AUTS2: variants seen among roughly 807,000 people sequenced by gnomAD.
AUTS2 encodes autism susceptibility gene 2 protein.
In AUTS2, 17 loss-of-function variants were observed where a neutral mutation model predicts 112.4. That is an observed-to-expected ratio of 0.15 (90% CI 0.10 to 0.23). The LOEUF is 0.23. AUTS2 is among the 10% of genes least tolerant of loss of function. AUTS2 has a pLI of 1.00. For synonymous variants in AUTS2, 751 were observed against 702.7 expected (o/e 1.07, Z -1.09); for missense variants, 1,510 against 1,701.6 (o/e 0.89, Z 1.98).
intron 4 of AUTS2, among the ~76,000 whole-genome samples, chr7:70,269,934 G>C (rs920434565): frequency 6.6e-6 from 1 of 152,118 alleles, no homozygotes; most frequent in African/African-American, 2.4e-5. Flanking sequence ...AGTGCTTTGG[G>C]AGGCCAAAGT....
chr7:69,647,747 A>G (rs752354376), intron 1 of AUTS2, among the ~76,000 whole-genome samples: 19 of 152,214 alleles, frequency 1.2e-4, no homozygotes, highest in Non-Finnish European at 2.1e-4. Flanking sequence ...AACAACAGAA[A>G]TAGTCTCATA....
chr7:70,529,413 G>A (rs1352507331), intron 5 of AUTS2, among the ~76,000 whole-genome samples: 3 of 152,282 alleles, frequency 2.0e-5, no homozygotes, highest in Middle Eastern at 3.4e-3. Context: ...TTGGAGAGCC[G>A]ACCAGACCTG....
At chr7:69,900,465 A>C (rs1412612726) in intron 2 of AUTS2, among the ~76,000 whole-genome samples, 1 of 152,248 alleles carries the variant, frequency 6.6e-6, no homozygotes, top group African/African-American at 2.4e-5. Context: ...TTCCCAAACC[A>C]CACAGATCTT....
chr7:69,866,808 AT>A (rs1272349165), intron 1 of AUTS2, among the ~76,000 whole-genome samples: 1 of 152,050 alleles, frequency 6.6e-6, no homozygotes, highest in Non-Finnish European at 1.5e-5. Context: ...CTTCCCGGGG[AT>A]TTTCTAGCAT....
intron 6 of AUTS2, among the ~76,000 whole-genome samples, chr7:70,729,696 A>C (rs1787252927): frequency 6.6e-6 from 1 of 152,206 alleles, no homozygotes; most frequent in Non-Finnish European, 1.5e-5. Flanking sequence ...AAACCTGAAG[A>C]CTTCAGAAAT....
At chr7:69,690,491 G>A (rs6976556) in intron 1 of AUTS2, among the ~76,000 whole-genome samples, 3,033 of 152,280 alleles carry the variant, frequency 0.02, 104 homozygotes, top group African/African-American at 0.066. Context: ...GTGAGCAGGC[G>A]CAGAGCGGCA....
chr7:70,043,097 C>A (rs1017032792), intron 2 of AUTS2, among the ~76,000 whole-genome samples: 5 of 151,344 alleles, frequency 3.3e-5, no homozygotes, highest in Non-Finnish European at 7.4e-5. Flanking sequence ...AATTAACTTG[C>A]AAAAATAAAA....
At chr7:70,733,549 C>T (rs1365042301) in intron 6 of AUTS2, among the ~76,000 whole-genome samples, 2 of 148,084 alleles carry the variant, frequency 1.4e-5, no homozygotes, top group Admixed American at 6.7e-5. Context: ...CCCCTACCCC[C>T]ACATCTAGAT....
chr7:70,303,439 TACACACACACACAC>T (rs371608891), intron 4 of AUTS2, among the ~76,000 whole-genome samples: 28 of 143,184 alleles, frequency 2.0e-4, no homozygotes, highest in Non-Finnish European at 4.0e-4. Flanking sequence ...CGCGCGCACA[TACACACACACACAC>T]ACACACACAC....
At chr7:70,280,497 C>T (rs1255288786) in intron 4 of AUTS2, among the ~76,000 whole-genome samples, 2 of 149,328 alleles carry the variant, frequency 1.3e-5, no homozygotes, top group Admixed American at 6.7e-5. Flanking sequence ...AGGGTTTCAC[C>T]ATGTTGGTCA....
chr7:69,674,221 A>G (rs1796458783), intron 1 of AUTS2, among the ~76,000 whole-genome samples: 1 of 152,248 alleles, frequency 6.6e-6, no homozygotes, highest in Non-Finnish European at 1.5e-5. Context: ...GTAACAGACA[A>G]AAAAGCAATT....
chr7:70,243,210 T>TAGCTGCCC, intron 4 of AUTS2, among the ~76,000 whole-genome samples: 1 of 149,172 alleles, frequency 6.7e-6, no homozygotes, highest in South Asian at 2.1e-4. Context: ...CTTTAAAAAA[T>TAGCTGCCC]AGAGAGGAAA....
At chr7:70,612,986 C>A (rs994658498) in intron 5 of AUTS2, among the ~76,000 whole-genome samples, 1 of 151,934 alleles carries the variant, frequency 6.6e-6, no homozygotes, top group Non-Finnish European at 1.5e-5. Context: ...AGGGAGACAG[C>A]GCGGTGGTAC....
chr7:69,880,606 A>T (rs1159199574), intron 1 of AUTS2, among the ~76,000 whole-genome samples: 5 of 152,200 alleles, frequency 3.3e-5, no homozygotes, highest in Non-Finnish European at 7.3e-5. Flanking sequence ...TTTCCTTGCA[A>T]ATATAATGGC....
intron 2 of AUTS2, among the ~76,000 whole-genome samples, chr7:69,962,537 T>A (rs1797472957): frequency 6.6e-6 from 1 of 152,194 alleles, no homozygotes; most frequent in Non-Finnish European, 1.5e-5. Flanking sequence ...AGCTCTATCT[T>A]TGTACTTTGC....
At chr7:69,704,431 C>T (rs1797963625) in intron 1 of AUTS2, among the ~76,000 whole-genome samples, 1 of 152,102 alleles carries the variant, frequency 6.6e-6, no homozygotes, top group South Asian at 2.1e-4. Context: ...GCGCCTGCCA[C>T]CACGCCCGGC....
chr7:70,132,164 TAAAA>T (rs200482728), intron 3 of AUTS2, among the ~76,000 whole-genome samples: 15 of 102,562 alleles, frequency 1.5e-4, no homozygotes, highest in Middle Eastern at 5.6e-3. Context: ...TCTTTTCCCT[TAAAA>T]AAAAAAAAAA....
chr7:69,691,728 C>T (rs1033140324), intron 1 of AUTS2, among the ~76,000 whole-genome samples: 1 of 152,006 alleles, frequency 6.6e-6, no homozygotes, highest in Non-Finnish European at 1.5e-5. Context: ...GGCTCCCACC[C>T]TGCTAACTCG....
At chr7:69,610,108 C>G (rs1792949508) in intron 1 of AUTS2, among the ~76,000 whole-genome samples, 1 of 152,214 alleles carries the variant, frequency 6.6e-6, no homozygotes, top group Non-Finnish European at 1.5e-5. Flanking sequence ...TTTAGATTTG[C>G]AGCAGCCATG....
Sources: allele counts gnomAD v4.1 joint callset (sites outside exome capture counted in the v4.1 genomes callset), GRCh38; gene constraint gnomAD v4.1.1; transcripts MANE v1.5; gene names NCBI Gene and HGNC (gene_info 2026-07-23, HGNC 2026-07-21).